Variants in NECAB1 observed in about 807,000 individuals in gnomAD.
The protein encoded by NECAB1 is N-terminal EF-hand calcium binding protein 1.
NECAB1 carries 29 observed loss-of-function variants against 57.5 expected under a neutral mutation model. The ratio of observed to expected loss-of-function variants is 0.50; its 90% confidence interval spans 0.38 to 0.69. NECAB1 has a LOEUF of 0.69. Ranked by LOEUF, NECAB1 falls within the 30% of genes least tolerant of loss-of-function variation. The pLI, the probability that NECAB1 is intolerant of heterozygous loss-of-function variation, is 0.00. For missense variants in NECAB1, 372 were observed against 413.8 expected (o/e 0.90, Z 0.88); for synonymous variants, 142 against 147.7 (o/e 0.96, Z 0.28).
rs1811042335 is a variant in NECAB1, at chr8:90,956,929, A to G, written c.*1417A>G. 1 of 148,286 alleles carries G rather than the reference A, an allele frequency of 6.7e-6. No homozygotes were observed. Among genetic ancestry groups the G allele is most frequent in the African/African-American group, 2.5e-5 (1 of 39,628 alleles). 9.2% of individuals were successfully genotyped at this position (148,286 alleles called of 1,614,324 possible). A position where few individuals can be genotyped will look rare whatever the true frequency, so the allele number is the denominator to read the frequency against. On this transcript the variant is annotated 3_prime_UTR_variant, in exon 13 of 13. Coordinates refer to ENST00000417640, the MANE Select transcript of NECAB1 (RefSeq NM_022351.5). ...AGAAATAAGTAGTAAATTTTGATAT[A>G]TTGTACATACACACGTGTGTGTGTG... is the stretch of plus-strand genomic sequence containing the variant.
intron 2 of NECAB1, among the ~76,000 whole-genome samples, chr8:90,823,823 C>A (rs752846649): frequency 2.0e-5 from 3 of 151,864 alleles, no homozygotes; most frequent in Non-Finnish European, 4.4e-5. Flanking sequence ...TCTGAGATAA[C>A]TGAAAAACTA....
chr8:90,906,366 C>T (rs989158181), intron 5 of NECAB1, among the ~76,000 whole-genome samples: 1 of 152,092 alleles, frequency 6.6e-6, no homozygotes, highest in African/African-American at 2.4e-5. Context: ...CCTTTGTTCA[C>T]GCATAGAGTT....
chr8:90,892,332 T>A (rs187170842), intron 5 of NECAB1, among the ~76,000 whole-genome samples: 1 of 152,306 alleles, frequency 6.6e-6, no homozygotes, highest in Admixed American at 6.5e-5. Flanking sequence ...AATATGAGCA[T>A]TAATAGCTAT....
chr8:90,951,708 C>G (rs765129402), intron 12 of NECAB1, among the ~76,000 whole-genome samples: 66 of 151,952 alleles, frequency 4.3e-4, no homozygotes, highest in Non-Finnish European at 7.5e-4. Context: ...AAATCCCTAC[C>G]CATAAAGTGC....
rs1812275483 is a variant in NECAB1, at chr8:90,829,734, A to C, written c.233+4909A>C. On this transcript the variant is annotated intron_variant, in intron 3 of 12. Coordinates refer to ENST00000417640, the MANE Select transcript of NECAB1 (RefSeq NM_022351.5). The stretch of plus-strand genomic sequence containing the variant: ...CAGAGTGACAAAAATATCACCACCT[A>C]CTAAAAGAGCATAGTCCATCTTGAG... Among the ~76,000 whole-genome samples, 4 of 152,078 alleles carry C rather than the reference A, an allele frequency of 2.6e-5. No homozygotes were observed. The South Asian group carries it at 6.2e-4, about 24-fold the overall frequency.
chr8:90,928,601 C>G (rs754781424), intron 8 of NECAB1, among the ~76,000 whole-genome samples: 1 of 152,136 alleles, frequency 6.6e-6, no homozygotes, highest in African/African-American at 2.4e-5. Context: ...AACTAGGTGA[C>G]AGTGTGCTTG....
In NECAB1 at chr8:90,860,443, A is replaced by G. The variant is rs113471844; in HGVS notation, c.234-11685A>G. On this transcript the variant is annotated intron_variant, in intron 3 of 12. Transcript: ENST00000417640. ...GTCTTCAAGAACTTACTAAACTAGT[A>G]TGAAGATAACAGATGTATTTATCAG... Among the ~76,000 whole-genome samples, 26 of 152,262 alleles carry G rather than the reference A, an allele frequency of 1.7e-4. 1 individual carries two copies. Among genetic ancestry groups the G allele is most frequent in the African/African-American group, 6.0e-4 (25 of 41,566 alleles).
intron 2 of NECAB1, among the ~76,000 whole-genome samples, chr8:90,813,932 T>G (rs973533218): frequency 1.6e-4 from 25 of 152,208 alleles, no homozygotes; most frequent in African/African-American, 5.1e-4. Context: ...TATGGTACAT[T>G]TGTTGTAACT....
chr8:90,859,896 G>C (rs963557670), intron 3 of NECAB1, among the ~76,000 whole-genome samples: 5 of 151,972 alleles, frequency 3.3e-5, no homozygotes, highest in African/African-American at 1.2e-4. Context: ...GAAAAACATA[G>C]TTACACATAG....
chr8:90,952,405 T>C (rs1191317862), intron 12 of NECAB1, among the ~76,000 whole-genome samples: 1 of 152,054 alleles, frequency 6.6e-6, no homozygotes, highest in African/African-American at 2.4e-5. Context: ...CAGTGGAGTA[T>C]CAAGGAAACC....
At chr8:90,846,328 T>C (rs1165888567) in intron 3 of NECAB1, among the ~76,000 whole-genome samples, 2 of 152,244 alleles carry the variant, frequency 1.3e-5, no homozygotes, top group East Asian at 1.9e-4. Flanking sequence ...GAAGTAATTA[T>C]TTCACTGTGA....
At chr8:90,928,331 CA>C in intron 8 of NECAB1, 32 bp downstream of exon 8, 1 of 1,505,400 alleles carries the variant, frequency 6.6e-7, no homozygotes, top group Non-Finnish European at 9.2e-7. Flanking sequence ...TTCTCTCTTC[CA>C]CTCTTCAAGA....
intron 6 of NECAB1, among the ~76,000 whole-genome samples, chr8:90,920,511 G>A (rs962026096): frequency 1.3e-5 from 2 of 152,144 alleles, no homozygotes; most frequent in East Asian, 1.9e-4. Flanking sequence ...CAGTGAAAAC[G>A]CCTGATGGGA....
At chr8:90,924,107 G>A (rs1306048039) in intron 6 of NECAB1, among the ~76,000 whole-genome samples, 1 of 152,156 alleles carries the variant, frequency 6.6e-6, no homozygotes, top group Non-Finnish European at 1.5e-5. Flanking sequence ...AACTCCCAGA[G>A]AGAAAAACCA....
At chr8:90,946,795 C>G (rs955036008) in intron 10 of NECAB1, among the ~76,000 whole-genome samples, 3 of 152,192 alleles carry the variant, frequency 2.0e-5, no homozygotes, top group African/African-American at 7.2e-5. Flanking sequence ...GGCCAGAATT[C>G]AAGTCACATG....
intron 3 of NECAB1, among the ~76,000 whole-genome samples, chr8:90,848,797 C>G (rs1027597040): frequency 2.0e-5 from 3 of 152,070 alleles, no homozygotes; most frequent in African/African-American, 7.2e-5. Context: ...CTAGCTTGGC[C>G]AACATGGTGA....
At chr8:90,822,554 TAA>T (rs958401427) in intron 2 of NECAB1, among the ~76,000 whole-genome samples, 9 of 151,858 alleles carry the variant, frequency 5.9e-5, no homozygotes, top group Non-Finnish European at 1.3e-4. Context: ...TTTTTCTAAA[TAA>T]AAGTCTTTTA....
chr8:90,813,203 T>C (rs34564938), intron 2 of NECAB1: 52,054 of 127,140 alleles, frequency 0.41, 10,115 homozygotes, highest in East Asian at 0.83. Flanking sequence ...AATAAATAAA[T>C]TAAATAAATA....
chr8:90,907,143 T>TGAGAGA (rs67911820), intron 5 of NECAB1, among the ~76,000 whole-genome samples: 1,321 of 106,346 alleles, frequency 0.012, 11 homozygotes, highest in Admixed American at 0.026. Flanking sequence ...TGTGTGTGTG[T>TGAGAGA]GTGTGTGTGA....
Sources: gnomAD v4.1 joint callset for allele counts (sites outside exome capture counted in the v4.1 genomes callset) on GRCh38, gnomAD v4.1.1 for gene constraint, MANE v1.5 for transcripts, NCBI Gene and HGNC (gene_info 2026-07-23, HGNC 2026-07-21) for gene names.